ARHGEF10: variants seen among roughly 807,000 people sequenced by gnomAD.
ARHGEF10 encodes Rho guanine nucleotide exchange factor (GEF) 10.
Under a neutral mutation model 147.4 loss-of-function variants are expected in ARHGEF10, and 140 were observed. The ratio of observed to expected loss-of-function variants is 0.95; its 90% CI spans 0.83 to 1.09. The LOEUF (loss-of-function observed/expected upper bound fraction) is 1.09, where lower values mean the gene tolerates loss of function less well. Among genes scored for constraint, ARHGEF10 ranks in the 50% least tolerant of loss-of-function variants. The pLI is 0.00. For missense variants in ARHGEF10, 2,222 were observed against 1,752.7 expected, an observed-to-expected ratio of 1.27 and a Z score of -4.78; for synonymous variants, 902 against 695.8, an observed-to-expected ratio of 1.30 and a Z score of -4.67.
chr8:1,900,609 C>G (rs140804597), intron 15 of ARHGEF10, among the ~76,000 whole-genome samples: 7 of 152,112 alleles, frequency 4.6e-5, no homozygotes, highest in African/African-American at 1.7e-4. Context: ...CACACTGCGC[C>G]GTTTACAAAT....
intron 1 of ARHGEF10, among the ~76,000 whole-genome samples, chr8:1,838,347 C>T (rs1225777057): frequency 6.6e-6 from 1 of 152,242 alleles, no homozygotes; most frequent in Non-Finnish European, 1.5e-5. Flanking sequence ...AGCCATGGAA[C>T]GTACTCTTCT....
chr8:1,901,190 A>G (rs1179422002), intron 15 of ARHGEF10, among the ~76,000 whole-genome samples: 1 of 152,002 alleles, frequency 6.6e-6, no homozygotes, highest in Non-Finnish European at 1.5e-5. Context: ...GGCTGCAGAG[A>G]GTCAGCAGGT....
At chr8:1,896,515 G>C in intron 14 of ARHGEF10, 66 bp downstream of exon 14, 1 of 1,085,350 alleles carries the variant, frequency 9.2e-7, no homozygotes, top group South Asian at 1.3e-5. Context: ...GTCAAAGCTT[G>C]ACTCTGAATG....
At chr8:1,915,330 C>T (rs925739655) in intron 18 of ARHGEF10, among the ~76,000 whole-genome samples, 3 of 152,224 alleles carry the variant, frequency 2.0e-5, no homozygotes, top group African/African-American at 7.2e-5. Flanking sequence ...AGATTCTGGG[C>T]AGTGGGTAAA....
intron 26 of ARHGEF10, among the ~76,000 whole-genome samples, chr8:1,941,075 C>G (rs911153361): frequency 1.3e-4 from 20 of 152,300 alleles, no homozygotes; most frequent in African/African-American, 4.8e-4. Flanking sequence ...GACAAAGATG[C>G]CTTCTGCCAT....
intron 24 of ARHGEF10, 122 bp from the exon 25 acceptor site, chr8:1,929,164 C>G (rs1812914791): frequency 1.8e-6 from 2 of 1,100,766 alleles, no homozygotes; most frequent in African/African-American, 1.6e-5. Context: ...GCAAGTGTCC[C>G]TAGGAATGGA....
intron 26 of ARHGEF10, among the ~76,000 whole-genome samples, chr8:1,940,385 A>G (rs1813987921): frequency 6.6e-6 from 1 of 152,212 alleles, no homozygotes; most frequent in South Asian, 2.1e-4. Context: ...GAAGAGATGG[A>G]CAGACTCTAG....
intron 1 of ARHGEF10, among the ~76,000 whole-genome samples, chr8:1,835,658 T>C (rs1803535383): frequency 6.6e-6 from 1 of 152,182 alleles, no homozygotes; most frequent in Admixed American, 6.5e-5. Flanking sequence ...CCTGACCTCC[T>C]TTTGCAGGCC....
At chr8:1,893,004 T>G (rs1389618604) in intron 11 of ARHGEF10, among the ~76,000 whole-genome samples, 1 of 151,956 alleles carries the variant, frequency 6.6e-6, no homozygotes, top group East Asian at 1.9e-4. Flanking sequence ...GTAGAGATTT[T>G]TTTTTTGCAC....
chr8:1,932,482 T>C lies in ARHGEF10; in HGVS notation c.3080-1318T>C, dbSNP rs550177066. Among the ~76,000 whole-genome samples, 3 of 151,574 alleles carry C rather than the reference T, an allele frequency of 2.0e-5. No individual in the cohort carries two copies. The South Asian group carries it at 6.2e-4, about 31-fold the overall frequency. ...TGCATGTGTGTATGTGTGTGACATG[T>C]GCACGTGTGTGTGTGCATATGGCAT... On this transcript the variant is annotated intron_variant, in intron 25 of 28. Coordinates refer to ENST00000349830, the MANE Select transcript of ARHGEF10 (RefSeq NM_014629.4).
intron 1 of ARHGEF10, among the ~76,000 whole-genome samples, chr8:1,826,409 TGCTGTGTGTGTGTGC>T (rs887107369): frequency 2.2e-5 from 1 of 45,510 alleles, no homozygotes; most frequent in Non-Finnish European, 4.7e-5. Flanking sequence ...TTTGTGTGTG[TGCTGTGTGTGTGTGC>T]GCTTTGTGTG....
chr8:1,943,749 A>T (rs1014005144), intron 26 of ARHGEF10: 2 of 152,214 alleles, frequency 1.3e-5, no homozygotes, highest in African/African-American at 2.4e-5. Context: ...AAATATTTAA[A>T]TTCAACTTGT....
At chr8:1,917,428 C>A (rs1442270906) in intron 18 of ARHGEF10, among the ~76,000 whole-genome samples, 1 of 152,170 alleles carries the variant, frequency 6.6e-6, no homozygotes, top group Non-Finnish European at 1.5e-5. Flanking sequence ...GCCCCTTGAA[C>A]CCAGGCATGG....
chr8:1,887,967 T>TGA (rs1808838179), intron 11 of ARHGEF10, among the ~76,000 whole-genome samples: 1 of 144,184 alleles, frequency 6.9e-6, no homozygotes, highest in Admixed American at 7.0e-5. Context: ...GATGAGACAC[T>TGA]GTGAGTGGGG....
chr8:1,917,686 C>T (rs1811860842), intron 18 of ARHGEF10, among the ~76,000 whole-genome samples: 1 of 152,216 alleles, frequency 6.6e-6, no homozygotes, highest in South Asian at 2.1e-4. Context: ...GCTCACAGAA[C>T]TGAAAACTCT....
At position 1,829,453 on chromosome 8, in the gene ARHGEF10, C is replaced by T. The variant is rs1318337446; in HGVS notation, c.-48+5340C>T. On this transcript the variant is annotated intron_variant, in intron 1 of 28. Transcript: ENST00000349830. ...GAGCCAGCCCCTGACCCTGGCCAGC[C>T]TGCTTGCTGCAGGAGTGATAAGAAA... Among the ~76,000 whole-genome samples the T allele has an allele frequency of 5.3e-5, 8 of 152,360 alleles. No homozygotes were observed. The East Asian group carries it at 1.5e-3, about 29-fold the overall frequency.
At chr8:1,830,262 T>TCAGGCGGCTCATTTCCCGTGGTGCC (rs1803012938) in intron 1 of ARHGEF10, among the ~76,000 whole-genome samples, 1 of 149,516 alleles carries the variant, frequency 6.7e-6, no homozygotes, top group Non-Finnish European at 1.5e-5. Context: ...CCCGTGGGGC[T>TCAGGCGGCTCATTTCCCGTGGTGCC]CAGGCGGCTC....
intron 18 of ARHGEF10, among the ~76,000 whole-genome samples, chr8:1,910,774 G>T (rs974668377): frequency 1.3e-5 from 2 of 152,074 alleles, no homozygotes; most frequent in Non-Finnish European, 2.9e-5. Context: ...TTGTGGTTTT[G>T]TGAACAAAAA....
chr8:1,882,584 G>T, intron 9 of ARHGEF10, 51 bp from the exon 10 acceptor site: 1 of 1,424,640 alleles, frequency 7.0e-7, no homozygotes, highest in African/African-American at 1.4e-5. Flanking sequence ...AATGAAAGTC[G>T]CAGGTGGGTT....
Sources: allele counts gnomAD v4.1 joint callset (sites outside exome capture counted in the v4.1 genomes callset), GRCh38; gene constraint gnomAD v4.1.1; transcripts MANE v1.5; gene names NCBI Gene and HGNC (gene_info 2026-07-23, HGNC 2026-07-21).